RBFOX3: variants seen among roughly 807,000 people sequenced by gnomAD.
RBFOX3 encodes RNA binding fox-1 homolog 3.
Under a neutral mutation model 48.7 loss-of-function variants are expected in RBFOX3, and 17 were observed. The ratio of observed to expected loss-of-function variants is 0.35; its 90% CI spans 0.24 to 0.52. RBFOX3 has a LOEUF of 0.52. RBFOX3 is among the 20% of genes least tolerant of loss of function. RBFOX3 has a pLI of 0.94. For synonymous variants in RBFOX3, 212 were observed against 209.5 expected, an observed-to-expected ratio of 1.01 and a Z score of -0.10; for missense variants, 382 against 497.5, an observed-to-expected ratio of 0.77 and a Z score of 2.21.
intron 3 of RBFOX3, among the ~76,000 whole-genome samples, chr17:79,291,503 C>G (rs780939681): frequency 6.6e-6 from 1 of 152,172 alleles, no homozygotes; most frequent in Admixed American, 6.5e-5. Flanking sequence ...AGCTCTTGGT[C>G]AGGGATGCTC....
chr17:79,654,901 C>T, the RBFOX3 span, among the ~76,000 whole-genome samples: 17 of 152,156 alleles, frequency 1.1e-4, no homozygotes, highest in Non-Finnish European at 1.5e-4. Flanking sequence ...TTCCACAAAG[C>T]GAGCCTACCG....
chr17:79,545,014 C>T (rs568333704), intron 1 of RBFOX3, among the ~76,000 whole-genome samples: 7 of 150,186 alleles, frequency 4.7e-5, no homozygotes, highest in South Asian at 4.2e-4. Flanking sequence ...AGAGAAAGCT[C>T]GCTCCTACAA....
At chr17:79,428,801 G>A (rs555505315) in intron 2 of RBFOX3, among the ~76,000 whole-genome samples, 1 of 152,366 alleles carries the variant, frequency 6.6e-6, no homozygotes, top group East Asian at 1.9e-4. Flanking sequence ...AGAACTAGCA[G>A]TGAATTACTG....
intron 10 of RBFOX3, 87 bp from the exon 11 acceptor site, chr17:79,097,511 C>T: frequency 1.4e-6 from 2 of 1,416,388 alleles, no homozygotes; most frequent in Non-Finnish European, 1.9e-6. Flanking sequence ...CCCCCCCGCG[C>T]ACCTAGCCCC....
rs906077094 is a variant in RBFOX3, at chr17:79,363,440, C to G, written c.-174-55616G>C. ...GTTCCCAGGCCTGGTCACCTCCACC[C>G]CAGACTTCCAAACTCTTCTGTCTGG... On this transcript the variant is annotated intron_variant, in intron 2 of 14. Coordinates refer to ENST00000693108, the MANE Select transcript of RBFOX3 (RefSeq NM_001350451.2). The surrounding 1 kb of genome is among the most constrained non-coding windows in gnomAD (Gnocchi z 4.7). Among the ~76,000 whole-genome samples, 2 of 152,060 alleles carry G rather than the reference C, an allele frequency of 1.3e-5. No homozygotes were observed. Among genetic ancestry groups the G allele is most frequent in the Admixed American group, 1.3e-4 (2 of 15,276 alleles).
chr17:79,626,703 G>A, the RBFOX3 span, among the ~76,000 whole-genome samples: 1 of 152,226 alleles, frequency 6.6e-6, no homozygotes, highest in Non-Finnish European at 1.5e-5. Context: ...ACTGAAGGGG[G>A]CATCCCCCCA....
the RBFOX3 span, among the ~76,000 whole-genome samples, chr17:79,653,192 C>T: frequency 6.6e-6 from 1 of 152,184 alleles, no homozygotes; most frequent in Non-Finnish European, 1.5e-5. Context: ...GATAAAGCTG[C>T]TAGATCCAGG....
chr17:79,440,928 G>A (rs542176347), intron 2 of RBFOX3, among the ~76,000 whole-genome samples: 31 of 152,344 alleles, frequency 2.0e-4, no homozygotes, highest in Non-Finnish European at 4.1e-4. Context: ...CCCAGCCCTC[G>A]CACGGTGAGT....
intron 2 of RBFOX3, among the ~76,000 whole-genome samples, chr17:79,322,648 A>T (rs2078707895): frequency 6.6e-6 from 1 of 152,172 alleles, no homozygotes; most frequent in Admixed American, 6.5e-5. Flanking sequence ...CTGGGTCCCC[A>T]GCCGCTGAGA....
At chr17:79,268,106 G>A (rs555935247) in intron 3 of RBFOX3, among the ~76,000 whole-genome samples, 1 of 152,128 alleles carries the variant, frequency 6.6e-6, no homozygotes, top group Admixed American at 6.5e-5. Flanking sequence ...TCTCCTGGAG[G>A]CGGAGTAGAT....
chr17:79,301,311 C>T lies in RBFOX3; in HGVS notation c.-74+6413G>A, dbSNP rs566198892. The stretch of plus-strand genomic sequence containing the variant: ...GCGAGTTGTCCATCTGGGCCACACC[C>T]GGACTTGGAACCCCACTGGGGTGAG... On this transcript the variant is annotated intron_variant, in intron 3 of 14. Coordinates refer to ENST00000693108, the MANE Select transcript of RBFOX3 (RefSeq NM_001350451.2). Among the ~76,000 whole-genome samples, 13 of 152,368 alleles carry T rather than the reference C, an allele frequency of 8.5e-5. 1 individual carries two copies. The highest frequency in any genetic ancestry group is 8.3e-4 in the South Asian group (4 of 4,828).
Position 79,565,731 on chromosome 17 carries a change from A to G in RBFOX3, c.-320+45095T>C, listed in dbSNP as rs921467434. On this transcript the variant is annotated intron_variant, in intron 1 of 14. Coordinates refer to ENST00000693108, the MANE Select transcript of RBFOX3 (RefSeq NM_001350451.2). ...TAAAGTAGGGCATAAAGATCTTAAC[A>G]TAAGACCCTGGCAGTGCCCTATCTG... Among the ~76,000 whole-genome samples the G allele has an allele frequency of 1.1e-3, 160 of 152,306 alleles. 3 individuals carry two copies. Among genetic ancestry groups the G allele is most frequent in the African/African-American group, 3.4e-3 (140 of 41,564 alleles).
Position 79,302,428 on chromosome 17 carries a change from T to C in RBFOX3, c.-74+5296A>G, listed in dbSNP as rs537959454. ...GGTGTGGTGGCTCACACCTGTAATC[T>C]CAGCACTTTGGGAGGCCGAGGCGGG... On this transcript the variant is annotated intron_variant, in intron 3 of 14. Transcript: ENST00000693108. 3.5e-3 allele frequency among the ~76,000 whole-genome samples: 534 copies of C among 152,188 alleles called. 3 individuals carry two copies. The highest frequency in any genetic ancestry group is 6.3e-3 in the Non-Finnish European group (426 of 68,002).
At position 79,361,385 on chromosome 17, in the gene RBFOX3, T is replaced by C. The variant is rs899000977; in HGVS notation, c.-174-53561A>G. Among the ~76,000 whole-genome samples, 5 of 152,158 alleles carry C rather than the reference T, an allele frequency of 3.3e-5. No homozygotes were observed. Among genetic ancestry groups the C allele is most frequent in the African/African-American group, 1.2e-4 (5 of 41,438 alleles). ...GGTGGCATGAGCTTGCATCCCCCACTGCCTTCCTTGTGGAAAGATTAAACA... is the reference window on the plus strand; with the variant it reads ...GGTGGCATGAGCTTGCATCCCCCACCGCCTTCCTTGTGGAAAGATTAAACA... On this transcript the variant is annotated intron_variant, in intron 2 of 14. Coordinates refer to ENST00000693108, the MANE Select transcript of RBFOX3 (RefSeq NM_001350451.2). The surrounding 1 kb of genome is among the most constrained non-coding windows in gnomAD (Gnocchi z 4.5).
intron 1 of RBFOX3, among the ~76,000 whole-genome samples, chr17:79,533,087 C>A (rs529416794): frequency 6.6e-6 from 1 of 152,376 alleles, no homozygotes; most frequent in East Asian, 1.9e-4. Context: ...TTTCACATCC[C>A]TGTGAAAGAG....
chr17:79,288,236 C>T (rs117097073), intron 3 of RBFOX3, among the ~76,000 whole-genome samples: 5,214 of 152,312 alleles, frequency 0.034, 122 homozygotes, highest in Non-Finnish European at 0.046. Flanking sequence ...GGGAAGCTCA[C>T]CAGGACAGGG....
At chr17:79,278,826 A>T (rs1201201875) in intron 3 of RBFOX3, among the ~76,000 whole-genome samples, 1 of 152,114 alleles carries the variant, frequency 6.6e-6, no homozygotes, top group Non-Finnish European at 1.5e-5. Context: ...GGACTTAGTG[A>T]TCTCCTGGCC....
In RBFOX3 at chr17:79,362,579, C is replaced by T. The variant is rs924056472; in HGVS notation, c.-174-54755G>A. Among the ~76,000 whole-genome samples, 2 of 152,180 alleles carry T rather than the reference C, an allele frequency of 1.3e-5. No homozygotes were observed. Among genetic ancestry groups the T allele is most frequent in the Non-Finnish European group, 1.5e-5 (1 of 68,028 alleles). On this transcript the variant is annotated intron_variant, in intron 2 of 14. Transcript: ENST00000693108. The surrounding 1 kb of genome is among the most constrained non-coding windows in gnomAD (Gnocchi z 4.2). ...TGGAGATGGGAGCCTTTATGTCCCG[C>T]GTGTGAGGGGCCCAGAGGCCTCTTT...
In RBFOX3 at chr17:79,148,859, G is replaced by C. The variant is rs185033112; in HGVS notation, c.-33-33111C>G. 7.2e-5 allele frequency among the ~76,000 whole-genome samples: 11 copies of C among 152,350 alleles called. No individual in the cohort carries two copies. In the East Asian group the frequency reaches 1.9e-3, roughly 27 times the overall value. On this transcript the variant is annotated intron_variant, in intron 4 of 14. Transcript: ENST00000693108. ...GCCAAAGTCCCCAGAGGATGGGAAA[G>C]GCTGAGACCACCCTCGCTGGCACTG...
Sources: allele counts gnomAD v4.1 joint callset (sites outside exome capture counted in the v4.1 genomes callset), GRCh38; gene constraint gnomAD v4.1.1; non-coding constraint Gnocchi (gnomAD v3.1); transcripts MANE v1.5; gene names NCBI Gene and HGNC (gene_info 2026-07-23, HGNC 2026-07-21).